Variants in PKP4 observed in about 807,000 individuals in gnomAD.
PKP4 encodes the protein plakophilin-4.
A neutral mutation model predicts 145.1 loss-of-function variants in PKP4; 90 were observed. The observed-to-expected ratio is 0.62, with a 90% confidence interval of 0.52 to 0.74. The LOEUF (loss-of-function observed/expected upper bound fraction) is 0.74, where lower values mean the gene tolerates loss of function less well. Ranked by LOEUF, PKP4 falls within the 30% of genes least tolerant of loss-of-function variation. PKP4 has a pLI of 0.00. For missense variants in PKP4, 1,340 were observed against 1,482.7 expected, an observed-to-expected ratio of 0.90 and a Z score of 1.58; for synonymous variants, 563 against 577.2, an observed-to-expected ratio of 0.98 and a Z score of 0.35.
chr2:158,476,837 A>G (rs1236300898), intron 1 of PKP4, among the ~76,000 whole-genome samples: 1 of 152,126 alleles, frequency 6.6e-6, no homozygotes, highest in Admixed American at 6.5e-5. Context: ...GTGACCACTG[A>G]TGTCATTTTG....
At chr2:158,528,635 A>AT (rs1491353411) in intron 1 of PKP4, among the ~76,000 whole-genome samples, 2 of 61,772 alleles carry the variant, frequency 3.2e-5, no homozygotes, top group African/African-American at 7.1e-5. Flanking sequence ...TTAAAGTATA[A>AT]TAAAAAAAAA....
At chr2:158,574,422 GCAT>G (rs1183976866) in intron 2 of PKP4, among the ~76,000 whole-genome samples, 1 of 152,148 alleles carries the variant, frequency 6.6e-6, no homozygotes, top group African/African-American at 2.4e-5. Context: ...TGATGTCTCT[GCAT>G]CATCATCTTA....
In PKP4 at chr2:158,605,165, G is replaced by A. The variant is rs1054428774; in HGVS notation, c.280+2061G>A. ...ACCCTAGGTGATTCACCACCTGAGC[G>A]AATGAATACTGCATACATGAACGAA... On this transcript the variant is annotated intron_variant, in intron 4 of 21. Transcript: ENST00000389759. Among the ~76,000 whole-genome samples, 8 of 152,186 alleles carry A rather than the reference G, an allele frequency of 5.3e-5. No individual in the cohort carries two copies. In the East Asian group the frequency reaches 7.7e-4, roughly 15 times the overall value.
chr2:158,622,639 A>G (rs1235751120), intron 6 of PKP4, among the ~76,000 whole-genome samples: 1 of 152,216 alleles, frequency 6.6e-6, no homozygotes, highest in Non-Finnish European at 1.5e-5. Flanking sequence ...TTGCTCAGCA[A>G]TTCAGGAGAA....
At chr2:158,512,419 C>T (rs1428659248) in intron 1 of PKP4, among the ~76,000 whole-genome samples, 1 of 152,184 alleles carries the variant, frequency 6.6e-6, no homozygotes, top group African/African-American at 2.4e-5. Flanking sequence ...ACAGCCATTG[C>T]ACAGCAGTGG....
At chr2:158,679,715 C>G (rs944362077) in intron 21 of PKP4, among the ~76,000 whole-genome samples, 2 of 152,220 alleles carry the variant, frequency 1.3e-5, no homozygotes, top group Admixed American at 6.5e-5. Flanking sequence ...TGGGTGCCCA[C>G]GTGTGCCTGG....
At chr2:158,620,156 A>G (rs2052062536) in intron 4 of PKP4, among the ~76,000 whole-genome samples, 1 of 152,204 alleles carries the variant, frequency 6.6e-6, no homozygotes, top group Non-Finnish European at 1.5e-5. Context: ...TAAGGGTTAA[A>G]TGCAAGGAAG....
chr2:158,473,638 C>G lies in PKP4; in HGVS notation c.-6+16420C>G, dbSNP rs1691962829. Among the ~76,000 whole-genome samples the G allele has an allele frequency of 3.3e-5, 5 of 151,134 alleles. No homozygotes were observed. In the South Asian group the frequency reaches 6.3e-4, roughly 19 times the overall value. On this transcript the variant is annotated intron_variant, in intron 1 of 21. Transcript: ENST00000389759. ...TCACAGACACAAAGAAGGAAACAAC[C>G]CTTGGGTCTACTTGAGGGTAGAGGG...
At chr2:158,467,853 TAAAA>T (rs980594227) in intron 1 of PKP4, among the ~76,000 whole-genome samples, 7 of 151,714 alleles carry the variant, frequency 4.6e-5, no homozygotes, top group Non-Finnish European at 1.0e-4. Context: ...TCTCCAAAAA[TAAAA>T]AAATAAAAAA....
rs1381474434 is a variant in PKP4, at chr2:158,658,291, G to C, written c.2070G>C (p.Leu690=). The C allele has an allele frequency of 6.2e-7, 1 of 1,601,152 alleles. No homozygotes were observed. The highest frequency in any genetic ancestry group is 2.2e-5 in the East Asian group (1 of 44,770). ...TTAAATTTCAGACTTCACTAGTTCT[G>C]CGTAACACGACAGGTTGCCTAAGGT... The part of the protein sequence containing the change: ...HKIKFQTSLV[L]RNTTGCLRNL... Residue 690 remains leucine, a synonymous_variant, in exon 12 of 22, where the codon CTG becomes CTC. Transcript: ENST00000389759.
intron 2 of PKP4, among the ~76,000 whole-genome samples, chr2:158,549,818 T>C (rs1005045708): frequency 1.3e-5 from 2 of 152,194 alleles, no homozygotes; most frequent in Non-Finnish European, 2.9e-5. Context: ...GGGATAGTAG[T>C]TTATTTTCAT....
intron 1 of PKP4, among the ~76,000 whole-genome samples, chr2:158,484,752 C>T (rs1053357978): frequency 2.6e-5 from 4 of 152,114 alleles, no homozygotes; most frequent in African/African-American, 9.7e-5. Flanking sequence ...AGCCATGAAA[C>T]TATTCTTTTA....
At chr2:158,465,097 A>G (rs1010720498) in intron 1 of PKP4, among the ~76,000 whole-genome samples, 1 of 152,250 alleles carries the variant, frequency 6.6e-6, no homozygotes, top group East Asian at 1.9e-4. Context: ...TCGGTCTTTA[A>G]GGAATCCATG....
chr2:158,606,452 T>C (rs1214695481), intron 4 of PKP4, among the ~76,000 whole-genome samples: 3 of 152,232 alleles, frequency 2.0e-5, no homozygotes, highest in African/African-American at 7.2e-5. Context: ...TTGTTGTATT[T>C]TAACCTTACC....
intron 3 of PKP4, among the ~76,000 whole-genome samples, chr2:158,599,960 A>G (rs147598568): frequency 1.5e-4 from 23 of 152,340 alleles, no homozygotes; most frequent in African/African-American, 5.3e-4. Flanking sequence ...ACAGCTGTCA[A>G]TGTCCAACAA....
At chr2:158,673,606 A>C in intron 17 of PKP4, 71 bp from the exon 18 acceptor site, 2 of 1,149,000 alleles carry the variant, frequency 1.7e-6, no homozygotes, top group South Asian at 2.5e-5. Flanking sequence ...ACTGATTTTC[A>C]TCCTGCACCC....
intron 2 of PKP4, among the ~76,000 whole-genome samples, chr2:158,553,824 T>G (rs755161956): frequency 6.6e-6 from 1 of 152,118 alleles, no homozygotes; most frequent in Admixed American, 6.5e-5. Flanking sequence ...GGAGAAGAAT[T>G]TTGCTCCAGG....
At chr2:158,522,332 A>G (rs2042450057) in intron 1 of PKP4, among the ~76,000 whole-genome samples, 1 of 152,254 alleles carries the variant, frequency 6.6e-6, no homozygotes, top group Non-Finnish European at 1.5e-5. Context: ...TATATATTAC[A>G]TCTATAATAT....
intron 2 of PKP4, among the ~76,000 whole-genome samples, chr2:158,554,490 A>G (rs567918887): frequency 2.5e-4 from 37 of 150,566 alleles, no homozygotes; most frequent in African/African-American, 9.0e-4. Flanking sequence ...CAGTGGTGCA[A>G]TCTTGGCTCA....
Sources: gnomAD v4.1 joint callset for allele counts (sites outside exome capture counted in the v4.1 genomes callset) on GRCh38, gnomAD v4.1.1 for gene constraint, MANE v1.5 for transcripts, NCBI Gene and HGNC (gene_info 2026-07-23, HGNC 2026-07-21) for gene names.